Variants in ZDHHC11 observed in about 807,000 individuals in gnomAD.
The protein encoded by ZDHHC11 is zDHHC palmitoyltransferase 11.
In ZDHHC11, 44 loss-of-function variants were observed where a neutral mutation model predicts 51.3. The observed-to-expected ratio is 0.86, with a 90% CI of 0.67 to 1.10. The LOEUF is 1.10. Ranked by LOEUF, ZDHHC11 falls within the 50% of genes least tolerant of loss-of-function variation. The probability of loss-of-function intolerance (pLI) is 0.00; values close to 1 mark genes in which losing one functional copy is unlikely to be tolerated. For synonymous variants in ZDHHC11, 163 were observed against 222.0 expected (o/e 0.73, Z 2.36); for missense variants, 400 against 537.7 (o/e 0.74, Z 2.53).
Position 827,929 on chromosome 5 carries a change from G to T in ZDHHC11, c.936-2678C>A, listed in dbSNP as rs557327604. 9.4e-4 allele frequency among the ~76,000 whole-genome samples: 142 copies of T among 151,082 alleles called. 1 individual carries two copies. The South Asian group carries it at 0.015, about 16-fold the overall frequency. The stretch of plus-strand genomic sequence containing the variant: ...GTCCCTGGGTACTTGAGATTAGGGA[G>T]TGGTGATGACTCTTAATGAGCATGC... On this transcript the variant is annotated intron_variant, in intron 7 of 12. Transcript: ENST00000283441.
upstream of ZDHHC11, among the ~76,000 whole-genome samples, chr5:860,474 A>ACACCTGCACACCCTCCTCCAC (rs896783340): frequency 6.6e-6 from 1 of 152,188 alleles, no homozygotes; most frequent in Non-Finnish European, 1.5e-5. This position sits in a 1 kb window ranked among gnomAD's most constrained non-coding sequence, Gnocchi z 4.2. Flanking sequence ...ACCCTCAAAC[A>ACACCTGCACACCCTCCTCCAC]CACCTGCACA....
chr5:799,707 A>G (rs141447097), intron 12 of ZDHHC11, among the ~76,000 whole-genome samples: 5,353 of 142,758 alleles, frequency 0.037, 300 homozygotes, highest in Non-Finnish European at 0.057. Flanking sequence ...GCGCTGTTCT[A>G]TAGACATTCT....
chr5:814,828 T>C, intron 10 of ZDHHC11, 33 bp from the exon 11 acceptor site: 2 of 1,519,336 alleles, frequency 1.3e-6, no homozygotes, highest in Non-Finnish European at 1.8e-6. Context: ...ATTCATAGGA[T>C]GAACAAAGAC....
In ZDHHC11 at chr5:801,162, A is replaced by C. The variant is rs371641589; in HGVS notation, c.1184T>G (p.Leu395Arg). 21 of 1,610,998 alleles carry C rather than the reference A, an allele frequency of 1.3e-5. 1 individual carries two copies. Among genetic ancestry groups the C allele is most frequent in the Non-Finnish European group, 1.8e-5 (21 of 1,177,926 alleles). Residue 395 changes from leucine to arginine, a missense_variant and splice_region_variant, in exon 12 of 13, where the codon CTG becomes CGG. Transcript: ENST00000283441. ...CATGGGCTCTGTTGTTTCTTGTTGCAGCCTGTTTGCAATATTCAGAAAGAG... is the reference window on the plus strand; with the variant it reads ...CATGGGCTCTGTTGTTTCTTGTTGCCGCCTGTTTGCAATATTCAGAAAGAG... ...DDAPSISTLG[L>R]QQETTEPMKT...
chr5:856,913 ACACACACCAAAC>A (rs1037201837), intron 1 of ZDHHC11, among the ~76,000 whole-genome samples: 8 of 151,436 alleles, frequency 5.3e-5, no homozygotes, highest in East Asian at 1.9e-4. Context: ...CACACACCAC[ACACACACCAAAC>A]CACACACCAC....
At chr5:836,343 T>G (rs1190820685) in intron 6 of ZDHHC11, among the ~76,000 whole-genome samples, 1 of 150,442 alleles carries the variant, frequency 6.6e-6, no homozygotes, top group Non-Finnish European at 1.5e-5. Flanking sequence ...CTTAAGCCAC[T>G]GCTTACCCCT....
chr5:844,896 A>T (rs1745876784), intron 3 of ZDHHC11, among the ~76,000 whole-genome samples: 1 of 152,310 alleles, frequency 6.6e-6, no homozygotes, highest in Admixed American at 6.5e-5. Context: ...CAGTTCCTGG[A>T]ACATACTTTG....
rs1356181417 is a variant in ZDHHC11 at position 798,214 on chromosome 5, C to T, written c.*8-1634G>A. Reference sequence around the variant, plus strand: ...TCTCAGCTTGATCTTCCATTTGTATCTCTTGAAAAGGTGAAAATGAAGTTG... The same window carrying T: ...TCTCAGCTTGATCTTCCATTTGTATTTCTTGAAAAGGTGAAAATGAAGTTG... On this transcript the variant is annotated intron_variant, in intron 12 of 12. Transcript: ENST00000283441. Among the ~76,000 whole-genome samples, 6 of 151,310 alleles carry T rather than the reference C, an allele frequency of 4.0e-5. No individual in the cohort carries two copies. The South Asian group carries it at 1.3e-3, about 32-fold the overall frequency.
At chr5:821,817 T>C in intron 9 of ZDHHC11, 44 bp downstream of exon 9, 1 of 1,540,030 alleles carries the variant, frequency 6.5e-7, no homozygotes, top group Non-Finnish European at 8.9e-7. Context: ...TGTATAACTA[T>C]GTTACTAATA....
chr5:835,224 T>G (rs1339351362), intron 6 of ZDHHC11, among the ~76,000 whole-genome samples: 2 of 151,094 alleles, frequency 1.3e-5, no homozygotes, highest in African/African-American at 4.9e-5. Flanking sequence ...CTGGGTAATC[T>G]TTGTACAGGT....
chr5:848,805 C>T (rs2150459327), intron 1 of ZDHHC11, 145 bp from the exon 2 acceptor site: 1 of 1,249,788 alleles, frequency 8.0e-7, no homozygotes, highest in African/African-American at 1.5e-5. Flanking sequence ...CTCACCCAGG[C>T]CTGGCCCTGC....
rs1744045755 is a variant in ZDHHC11, at chr5:837,440, GTTA to G, written c.822_824del (p.Asn275del). 1 of 1,611,298 alleles carries G rather than the reference GTTA, an allele frequency of 6.2e-7. No homozygotes were observed. Among genetic ancestry groups the G allele is most frequent in the Non-Finnish European group, 8.5e-7 (1 of 1,178,000 alleles). Reference sequence around the variant, plus strand: ...GATGTTTTGAACTCTCTTCTTTGCGGTTATTAATGAGATACTCAAAGGTGGTCA... The same window carrying G: ...GATGTTTTGAACTCTCTTCTTTGCGGTTAATGAGATACTCAAAGGTGGTCA... On this transcript the variant is annotated inframe_deletion, in exon 6 of 13. Coordinates refer to ENST00000283441, the MANE Select transcript of ZDHHC11 (RefSeq NM_024786.3).
chr5:796,479 G>C lies in ZDHHC11; in HGVS notation c.*109C>G, dbSNP rs1314009032. Reference sequence around the variant, plus strand: ...GCTCTGGTTCCTGGCCTGTAGCATGGGTAGGAGCAGGAGGCTTTGCAAGGT... The same window carrying C: ...GCTCTGGTTCCTGGCCTGTAGCATGCGTAGGAGCAGGAGGCTTTGCAAGGT... On this transcript the variant is annotated 3_prime_UTR_variant, in exon 13 of 13. Coordinates refer to ENST00000283441, the MANE Select transcript of ZDHHC11 (RefSeq NM_024786.3). 1.3e-5 allele frequency: 2 copies of C among 148,700 alleles called. No individual in the cohort carries two copies. The highest frequency in any genetic ancestry group is 3.0e-5 in the Non-Finnish European group (2 of 66,944). 9.2% of individuals were successfully genotyped at this position (148,700 alleles called of 1,614,324 possible). A position where few individuals can be genotyped will look rare whatever the true frequency, so the allele number is the denominator to read the frequency against.
rs934959044 is a variant in ZDHHC11 at position 850,832 on chromosome 5, C to G, written c.-230G>C. 9.8e-5 allele frequency: 60 copies of G among 613,390 alleles called. No homozygotes were observed. In the African/African-American group the frequency reaches 1.1e-3, roughly 11 times the overall value. The allele number at this position is 613,390 out of a possible 1,614,324, so 38.0% of individuals were successfully genotyped here. A position where few individuals can be genotyped will look rare whatever the true frequency, so the allele number is the denominator to read the frequency against. Reference sequence around the variant, plus strand: ...TGAACAGACATGCTGCAGAATGTGACCCCGGCCAGAGCCGAGTGGCAACGG... The same window carrying G: ...TGAACAGACATGCTGCAGAATGTGAGCCCGGCCAGAGCCGAGTGGCAACGG... On this transcript the variant is annotated 5_prime_UTR_variant, in exon 1 of 13. Coordinates refer to ENST00000283441, the MANE Select transcript of ZDHHC11 (RefSeq NM_024786.3).
intron 11 of ZDHHC11, among the ~76,000 whole-genome samples, chr5:810,138 G>A (rs1190593194): frequency 9.6e-5 from 3 of 31,280 alleles, no homozygotes; most frequent in African/African-American, 3.9e-4. Flanking sequence ...GGCAGCTCCT[G>A]GGAGGCTGCG....
chr5:816,298 C>G (rs1161314745), intron 10 of ZDHHC11: 2 of 294,610 alleles, frequency 6.8e-6, no homozygotes, highest in African/African-American at 4.4e-5. Context: ...CATTGCTTAA[C>G]AGAAGATCAC....
intron 3 of ZDHHC11, among the ~76,000 whole-genome samples, chr5:844,446 T>C (rs1462011493): frequency 7.1e-3 from 1,030 of 144,398 alleles, no homozygotes; most frequent in African/African-American, 0.029. Context: ...GCGTCTCCAG[T>C]GTCACAGCTC....
rs1265866110 is a variant in ZDHHC11 at position 830,133 on chromosome 5, G to C, written c.935+3640C>G. Reference sequence around the variant, plus strand: ...TTTCGACACAGTACTGGAAGATCTAGCCAGAGCAATCAGAGAAGAGAAAGA... The same window carrying C: ...TTTCGACACAGTACTGGAAGATCTACCCAGAGCAATCAGAGAAGAGAAAGA... On this transcript the variant is annotated intron_variant, in intron 7 of 12. Coordinates refer to ENST00000283441, the MANE Select transcript of ZDHHC11 (RefSeq NM_024786.3). Among the ~76,000 whole-genome samples the C allele has an allele frequency of 1.5e-5, 2 of 131,196 alleles. 1 individual carries two copies. The highest frequency in any genetic ancestry group is 5.8e-5 in the African/African-American group (2 of 34,328). The allele number at this position is 131,196 out of a possible 152,430, so 86.1% of individuals were successfully genotyped here.
At position 819,592 on chromosome 5, in the gene ZDHHC11, C is replaced by T. The variant is rs753765359; in HGVS notation, c.1079G>A (p.Arg360Gln). 9.3e-6 allele frequency: 15 copies of T among 1,609,542 alleles called. 2 individuals carry two copies. The highest frequency in any genetic ancestry group is 1.6e-4 in the Middle Eastern group (1 of 6,076). ...SALGAKARNS[R>Q]LICRRLCQFS... ...CTGACACAGGCGCCTGCAAATCAGC[C>T]GGGAGTTCCTGGCCTTGGCTCTGGT... The change falls in exon 10 of 13, where the codon CGG (arginine) becomes CAG (glutamine). Residue 360 changes from arginine to glutamine, a missense_variant. Physicochemically the swap from Arg to Gln is conservative, Grantham distance 43. Transcript: ENST00000283441.
Sources: allele counts gnomAD v4.1 joint callset (sites outside exome capture counted in the v4.1 genomes callset), GRCh38; gene constraint gnomAD v4.1.1; non-coding constraint Gnocchi (gnomAD v3.1); transcripts MANE v1.5; gene names NCBI Gene and HGNC (gene_info 2026-07-23, HGNC 2026-07-21).